Variants in PRKAR1B observed in about 807,000 individuals in gnomAD.
PRKAR1B encodes the protein cAMP-dependent protein kinase type I-beta regulatory subunit.
Under a neutral mutation model 46.5 loss-of-function variants are expected in PRKAR1B, and 22 were observed. The ratio of observed to expected loss-of-function variants is 0.47; its 90% CI spans 0.34 to 0.68. The LOEUF (loss-of-function observed/expected upper bound fraction) is 0.68. Among genes scored for constraint, PRKAR1B ranks in the 30% least tolerant of loss-of-function variants. The pLI, the probability that PRKAR1B is intolerant of heterozygous loss-of-function variation, is 0.01. For missense variants in PRKAR1B, 445 were observed against 535.6 expected, an observed-to-expected ratio of 0.83 and a Z score of 1.67; for synonymous variants, 259 against 217.7, an observed-to-expected ratio of 1.19 and a Z score of -1.67.
chr7:566,469 G>A (rs1241187452), intron 9 of PRKAR1B, among the ~76,000 whole-genome samples: 1 of 142,408 alleles, frequency 7.0e-6, no homozygotes, highest in East Asian at 2.1e-4. Flanking sequence ...TCTTCACCAT[G>A]ACCATTGTCA....
intron 4 of PRKAR1B, among the ~76,000 whole-genome samples, chr7:651,537 C>T (rs1444271836): frequency 1.3e-5 from 2 of 151,638 alleles, no homozygotes; most frequent in African/African-American, 2.4e-5. Flanking sequence ...ACCCGTGCAG[C>T]GCTAGGAACC....
rs907308944 is a variant in PRKAR1B, at chr7:600,213, A to G, written c.550-3909T>C. On this transcript the variant is annotated intron_variant, in intron 6 of 10. Coordinates refer to ENST00000537384, the MANE Select transcript of PRKAR1B (RefSeq NM_001164760.2). ...TCAGTGTGGTGTGTCTTTTACTACA[A>G]TTAAAGTAGGGCCGAGGGCAGTGGC... is the stretch of plus-strand genomic sequence containing the variant. Among the ~76,000 whole-genome samples the G allele has an allele frequency of 3.9e-5, 6 of 152,256 alleles. 1 individual carries two copies. Among genetic ancestry groups the G allele is most frequent in the Admixed American group, 2.6e-4 (4 of 15,290 alleles).
At chr7:693,630 C>T (rs1779565298) in intron 2 of PRKAR1B, among the ~76,000 whole-genome samples, 1 of 152,194 alleles carries the variant, frequency 6.6e-6, no homozygotes, top group Non-Finnish European at 1.5e-5. Flanking sequence ...GGAGAGGCCA[C>T]ACTGTTTGTC....
chr7:632,397 G>GC (rs1011096209), intron 4 of PRKAR1B, among the ~76,000 whole-genome samples: 8 of 152,106 alleles, frequency 5.3e-5, no homozygotes, highest in Non-Finnish European at 1.2e-4. Context: ...CCCATCCACT[G>GC]CCCCCCAACA....
At chr7:645,864 C>T (rs1346233855) in intron 4 of PRKAR1B, among the ~76,000 whole-genome samples, 1 of 152,152 alleles carries the variant, frequency 6.6e-6, no homozygotes, top group Non-Finnish European at 1.5e-5. Context: ...GCCAGTCAGA[C>T]CCCTCTGGGG....
chr7:636,349 CACG>C (rs1424099321), intron 4 of PRKAR1B, among the ~76,000 whole-genome samples: 3 of 24,334 alleles, frequency 1.2e-4, no homozygotes, highest in African/African-American at 2.0e-4. Context: ...GCCGCGCCCA[CACG>C]TCCTCCACCG....
chr7:589,293 T>C (rs2128452009), intron 7 of PRKAR1B, among the ~76,000 whole-genome samples: 1 of 151,972 alleles, frequency 6.6e-6, no homozygotes, highest in South Asian at 2.1e-4. Flanking sequence ...GCTCCACGGG[T>C]GCCATGTCCA....
intron 1 of PRKAR1B, among the ~76,000 whole-genome samples, chr7:725,160 G>A (rs543493076): frequency 1.3e-5 from 2 of 151,518 alleles, no homozygotes; most frequent in South Asian, 2.1e-4. Context: ...TCTGCAGTGA[G>A]CGGAGATCGC....
chr7:652,400 G>A (rs1244580462), intron 4 of PRKAR1B, among the ~76,000 whole-genome samples: 1 of 133,734 alleles, frequency 7.5e-6, no homozygotes, highest in African/African-American at 2.9e-5. Flanking sequence ...TCACACCCGT[G>A]CAGCACTAGG....
intron 4 of PRKAR1B, among the ~76,000 whole-genome samples, chr7:628,613 G>A (rs1350003193): frequency 6.6e-6 from 1 of 152,214 alleles, no homozygotes; most frequent in Non-Finnish European, 1.5e-5. Context: ...CACAGCTGGG[G>A]GCTGTCAGGA....
At chr7:691,619 T>C (rs1779432021) in intron 2 of PRKAR1B, 1 of 1,303,474 alleles carries the variant, frequency 7.7e-7, no homozygotes. Context: ...CGCCCTGCCG[T>C]GTGCTGAATG....
Position 577,123 on chromosome 7 carries a change from C to T in PRKAR1B, c.891+2133G>A, listed in dbSNP as rs190617638. Among the ~76,000 whole-genome samples, 150 of 151,852 alleles carry T rather than the reference C, an allele frequency of 9.9e-4. 2 individuals are homozygous for T. Among genetic ancestry groups the T allele is most frequent in the Admixed American group, 7.5e-3 (115 of 15,288 alleles). ...CAACGGCCTCGTCCAACGCCATCAG[C>T]GGCCCCGTCCAACTCCATCAGCGGC... On this transcript the variant is annotated intron_variant, in intron 9 of 10. Coordinates refer to ENST00000537384, the MANE Select transcript of PRKAR1B (RefSeq NM_001164760.2).
At chr7:578,357 C>T (rs1165351927) in intron 9 of PRKAR1B, among the ~76,000 whole-genome samples, 4 of 152,236 alleles carry the variant, frequency 2.6e-5, no homozygotes, top group Non-Finnish European at 5.9e-5. Flanking sequence ...AGCCACCTGT[C>T]GCCTGCCTGT....
rs201580090 is a variant in PRKAR1B at position 577,951 on chromosome 7, G to T, written c.891+1305C>A. On this transcript the variant is annotated intron_variant, in intron 9 of 10. Coordinates refer to ENST00000537384, the MANE Select transcript of PRKAR1B (RefSeq NM_001164760.2). The stretch of plus-strand genomic sequence containing the variant: ...CATTTATACCCACTTTAAATTATGT[G>T]CACATTAAGGGGTGGGTTATACACA... 1.2e-4 allele frequency among the ~76,000 whole-genome samples: 18 copies of T among 152,324 alleles called. No homozygotes were observed. In the East Asian group the frequency reaches 3.5e-3, roughly 29 times the overall value.
intron 4 of PRKAR1B, among the ~76,000 whole-genome samples, chr7:659,769 C>T (rs1202739038): frequency 1.3e-5 from 2 of 152,180 alleles, no homozygotes; most frequent in African/African-American, 4.8e-5. Context: ...TGCAGTGGCG[C>T]GATCTCGGCT....
intron 1 of PRKAR1B, among the ~76,000 whole-genome samples, chr7:723,197 T>G (rs1395695909): frequency 6.6e-6 from 1 of 152,202 alleles, no homozygotes; most frequent in Non-Finnish European, 1.5e-5. Context: ...CGAACCCCAG[T>G]TGCACAGCAC....
At position 723,099 on chromosome 7, in the gene PRKAR1B, A is replaced by G. The variant is rs561221753; in HGVS notation, c.-23+4111T>C. Among the ~76,000 whole-genome samples, 13 of 152,256 alleles carry G rather than the reference A, an allele frequency of 8.5e-5. No homozygotes were observed. In the East Asian group the frequency reaches 2.5e-3, roughly 29 times the overall value. On this transcript the variant is annotated intron_variant, in intron 1 of 10. Coordinates refer to ENST00000537384, the MANE Select transcript of PRKAR1B (RefSeq NM_001164760.2). Reference sequence around the variant, plus strand: ...ACCTTTTGCTGTGTCAGGACAGAACATGCTCGTTCTGGGTCTCTTTGTGCT... The same window carrying G: ...ACCTTTTGCTGTGTCAGGACAGAACGTGCTCGTTCTGGGTCTCTTTGTGCT...
At chr7:685,317 C>CAT (rs1778995531) in intron 2 of PRKAR1B, among the ~76,000 whole-genome samples, 2 of 46,782 alleles carry the variant, frequency 4.3e-5, no homozygotes, top group African/African-American at 1.2e-4. Flanking sequence ...CGTATATATA[C>CAT]GTATATATAC....
intron 6 of PRKAR1B, among the ~76,000 whole-genome samples, chr7:605,052 C>T (rs1468414910): frequency 6.6e-6 from 1 of 152,200 alleles, no homozygotes; most frequent in African/African-American, 2.4e-5. Context: ...CGCAGAGGGT[C>T]CTACGAGGGA....
Sources: gnomAD v4.1 joint callset for allele counts (sites outside exome capture counted in the v4.1 genomes callset) on GRCh38, gnomAD v4.1.1 for gene constraint, MANE v1.5 for transcripts, NCBI Gene and HGNC (gene_info 2026-07-23, HGNC 2026-07-21) for gene names.